HSCB: variants seen among roughly 807,000 people sequenced by gnomAD.
The protein encoded by HSCB is HscB mitochondrial iron-sulfur cluster cochaperone, also known as iron-sulfur cluster co-chaperone protein HscB.
Under a neutral mutation model 31.3 loss-of-function variants are expected in HSCB, and 23 were observed. That is an observed-to-expected ratio of 0.74 (90% CI 0.53 to 1.04). The LOEUF (loss-of-function observed/expected upper bound fraction) is 1.04, where lower values mean the gene tolerates loss of function less well. HSCB is among the 50% of genes least tolerant of loss of function. HSCB has a pLI of 0.00. For synonymous variants in HSCB, 110 were observed against 104.5 expected, an observed-to-expected ratio of 1.05 and a Z score of -0.32; for missense variants, 297 against 288.1, an observed-to-expected ratio of 1.03 and a Z score of -0.22.
chr22:28,753,486 C>A (rs1023855157), intron 5 of HSCB, among the ~76,000 whole-genome samples: 4 of 149,460 alleles, frequency 2.7e-5, no homozygotes, highest in African/African-American at 9.9e-5. Context: ...TGAGATCGCA[C>A]CATTGCACTC....
intron 5 of HSCB, among the ~76,000 whole-genome samples, chr22:28,756,251 A>C (rs1283752585): frequency 7.0e-6 from 1 of 142,516 alleles, no homozygotes; most frequent in East Asian, 2.0e-4. Context: ...CCATCTCACA[A>C]AAAAAAAAAA....
intron 4 of HSCB, among the ~76,000 whole-genome samples, chr22:28,750,960 T>TTTTTTTTTTTTTTTTTTTTTTTTTG: frequency 6.9e-6 from 1 of 144,882 alleles, no homozygotes; most frequent in Non-Finnish European, 1.5e-5. Flanking sequence ...TTTTTTTTTT[T>TTTTTTTTTTTTTTTTTTTTTTTTTG]TTTTTTTTTA....
At chr22:28,743,520 T>G (rs2054627326) in intron 1 of HSCB, among the ~76,000 whole-genome samples, 1 of 152,234 alleles carries the variant, frequency 6.6e-6, no homozygotes. Flanking sequence ...CTATGGGATC[T>G]TCCCCACCAG....
chr22:28,754,156 C>G (rs1479624727), intron 5 of HSCB, among the ~76,000 whole-genome samples: 1 of 151,802 alleles, frequency 6.6e-6, no homozygotes, highest in Non-Finnish European at 1.5e-5. Flanking sequence ...AAAAAAAAAT[C>G]TGACACAGGC....
At chr22:28,745,731 C>G in intron 3 of HSCB, 133 bp from the exon 4 acceptor site, 2 of 697,072 alleles carry the variant, frequency 2.9e-6, no homozygotes, top group South Asian at 2.2e-5. Context: ...CTTTTGATAC[C>G]CCTTAGTCTT....
chr22:28,753,530 A>G (rs9625558), intron 5 of HSCB, among the ~76,000 whole-genome samples: 2,577 of 147,830 alleles, frequency 0.017, 47 homozygotes, highest in Non-Finnish European at 0.023. Flanking sequence ...CTCCAACTCA[A>G]AAAAAAAGGA....
chr22:28,755,093 C>T (rs2030513619), intron 5 of HSCB, among the ~76,000 whole-genome samples: 1 of 144,204 alleles, frequency 6.9e-6, no homozygotes, highest in South Asian at 2.4e-4. Context: ...CGCGCCTGGC[C>T]CTAAAATTTT....
chr22:28,745,055 CAAA>C (rs35101545), intron 3 of HSCB, among the ~76,000 whole-genome samples: 3 of 100,704 alleles, frequency 3.0e-5, no homozygotes, highest in Non-Finnish European at 2.0e-5. Context: ...TGCACCCTCT[CAAA>C]AAAAAAAAAA....
At chr22:28,755,466 C>T (rs530022605) in intron 5 of HSCB, among the ~76,000 whole-genome samples, 5 of 152,178 alleles carry the variant, frequency 3.3e-5, no homozygotes, top group Non-Finnish European at 5.9e-5. Flanking sequence ...CCAAGGCCTT[C>T]CAAGTCCCTG....
Position 28,744,641 on chromosome 22 carries a change from T to C in HSCB, c.360T>C (p.His120=). 6.2e-7 allele frequency: 1 copy of C among 1,613,822 alleles called. No individual in the cohort carries two copies. Among genetic ancestry groups the C allele is most frequent in the African/African-American group, 1.3e-5 (1 of 75,038 alleles). Reference sequence around the variant, plus strand: ...CTGAAAAGGACTTCTCAGAGAAGCATTCGACCCTGGTGAATGATGCCTATA... The same window carrying C: ...CTGAAAAGGACTTCTCAGAGAAGCACTCGACCCTGGTGAATGATGCCTATA... ...SQTEKDFSEK[H]STLVNDAYKT... is the part of the protein sequence containing the mutation. Residue 120 remains histidine, a synonymous_variant, in exon 3 of 6, where the codon CAT becomes CAC. Coordinates refer to ENST00000216027, the MANE Select transcript of HSCB (RefSeq NM_172002.5).
chr22:28,757,313 C>T lies in HSCB; in HGVS notation c.*144C>T, dbSNP rs1014379789. 13 of 489,584 alleles carry T rather than the reference C, an allele frequency of 2.7e-5. No homozygotes were observed. Among genetic ancestry groups the T allele is most frequent in the East Asian group, 4.1e-5 (1 of 24,508 alleles). The allele number at this position is 489,584 out of a possible 1,614,324, so 30.3% of individuals were successfully genotyped here. A position where few individuals can be genotyped will look rare whatever the true frequency, so the allele number is the denominator to read the frequency against. On this transcript the variant is annotated 3_prime_UTR_variant, in exon 6 of 6. Coordinates refer to ENST00000216027, the MANE Select transcript of HSCB (RefSeq NM_172002.5). ...CAGCTTGGCCAACATAGTGAAACCC[C>T]GTCTCTGCTGAAAATACAAAAATTA... is the stretch of plus-strand genomic sequence containing the variant.
At chr22:28,750,991 T>C (rs960142988) in intron 4 of HSCB, among the ~76,000 whole-genome samples, 37 of 141,530 alleles carry the variant, frequency 2.6e-4, no homozygotes, top group Non-Finnish European at 4.9e-4. Flanking sequence ...AGCCATTTTA[T>C]AAGCCTTGGT....
chr22:28,743,312 CT>C (rs913789066), intron 1 of HSCB, among the ~76,000 whole-genome samples: 1 of 152,058 alleles, frequency 6.6e-6, no homozygotes, highest in African/African-American at 2.4e-5. Context: ...GATGAAGAAT[CT>C]GATCAGAGAT....
At chr22:28,746,087 G>A in intron 4 of HSCB, 79 bp downstream of exon 4, 1 of 1,445,048 alleles carries the variant, frequency 6.9e-7, no homozygotes, top group East Asian at 2.3e-5. Flanking sequence ...AATGAACGTA[G>A]AGTATATAAT....
chr22:28,750,945 C>CTTTTTTTTTTTTGTTTTTTTTTTTTTTT (rs2030190489), intron 4 of HSCB, among the ~76,000 whole-genome samples: 1 of 56,452 alleles, frequency 1.8e-5, no homozygotes, highest in Non-Finnish European at 3.2e-5. Context: ...ATATCTTTGT[C>CTTTTTTTTTTTTGTTTTTTTTTTTTTTT]TTTTTTTTTT....
At position 28,749,024 on chromosome 22, in the gene HSCB, C is replaced by G. The variant is rs574755789; in HGVS notation, c.569-2217C>G. Among the ~76,000 whole-genome samples the G allele has an allele frequency of 8.5e-5, 13 of 152,096 alleles. No individual in the cohort carries two copies. In the East Asian group the frequency reaches 1.9e-3, roughly 23 times the overall value. On this transcript the variant is annotated intron_variant, in intron 4 of 5. Coordinates refer to ENST00000216027, the MANE Select transcript of HSCB (RefSeq NM_172002.5). ...GATGTGGTGGCGCATGCCTGTAGTCCCTGCTACTCGAGAGGCTGAAGCAGA... is the reference window on the plus strand; with the variant it reads ...GATGTGGTGGCGCATGCCTGTAGTCGCTGCTACTCGAGAGGCTGAAGCAGA...
At chr22:28,745,238 T>C (rs979398795) in intron 3 of HSCB, 7 of 151,386 alleles carry the variant, frequency 4.6e-5, no homozygotes, top group African/African-American at 1.7e-4. Context: ...TTCTGTTTTG[T>C]TTTTTTTTCC....
chr22:28,750,515 G>A (rs5752785), intron 4 of HSCB, among the ~76,000 whole-genome samples: 32,843 of 152,004 alleles, frequency 0.22, 3,853 homozygotes, highest in East Asian at 0.43. Flanking sequence ...ACACCGGACT[G>A]GGAGTCAAGT....
intron 5 of HSCB, among the ~76,000 whole-genome samples, chr22:28,754,860 A>C (rs1261661269): frequency 6.7e-6 from 1 of 149,346 alleles, no homozygotes; most frequent in Non-Finnish European, 1.5e-5. Flanking sequence ...CTGTGGCATG[A>C]TCTCAGCTCA....
Sources: gnomAD v4.1 joint callset for allele counts (sites outside exome capture counted in the v4.1 genomes callset) on GRCh38, gnomAD v4.1.1 for gene constraint, MANE v1.5 for transcripts, NCBI Gene and HGNC (gene_info 2026-07-23, HGNC 2026-07-21) for gene names.